C10orf90: variants seen among roughly 807,000 people sequenced by gnomAD.
C10orf90 encodes the protein chromosome 10 open reading frame 90.
A neutral mutation model predicts 62.5 loss-of-function variants in C10orf90; 56 were observed. The ratio of observed to expected loss-of-function variants is 0.90; its 90% CI spans 0.72 to 1.12. The LOEUF (loss-of-function observed/expected upper bound fraction) is 1.12, where lower values mean the gene tolerates loss of function less well. C10orf90 is among the 50% of genes most tolerant of loss of function. The pLI, the probability that C10orf90 is intolerant of heterozygous loss-of-function variation, is 0.00. For missense variants in C10orf90, 970 were observed against 880.4 expected (o/e 1.10, Z -1.29); for synonymous variants, 386 against 340.4 (o/e 1.13, Z -1.47).
chr10:126,457,852 T>G (rs1014032679), intron 7 of C10orf90, among the ~76,000 whole-genome samples: 2 of 152,186 alleles, frequency 1.3e-5, no homozygotes. Flanking sequence ...CTGGAAACTA[T>G]ATCCCCATTG....
chr10:126,518,401 T>C (rs1027120139), intron 2 of C10orf90, among the ~76,000 whole-genome samples: 3 of 152,180 alleles, frequency 2.0e-5, no homozygotes, highest in Non-Finnish European at 4.4e-5. Context: ...CTTTTACAGA[T>C]GGTGAGTCTG....
chr10:126,462,133 C>T (rs540532769), intron 5 of C10orf90, among the ~76,000 whole-genome samples: 2 of 152,250 alleles, frequency 1.3e-5, no homozygotes, highest in South Asian at 4.1e-4. Flanking sequence ...TGGAAAAGGT[C>T]AGGAAATGAA....
Position 126,461,472 on chromosome 10 carries a change from C to A in C10orf90, c.1939G>T (p.Ala647Ser), listed in dbSNP as rs1482125862. The change falls in exon 6 of 10, where the codon GCA becomes TCA. Residue 647 changes from alanine to serine, a missense_variant. By Grantham distance (99) the Ala-to-Ser change is moderately conservative (BLOSUM62 1). Coordinates refer to ENST00000488181, the MANE Select transcript of C10orf90 (RefSeq NM_001350921.2). Reference protein sequence around the residue: ...AAPSPAPRDGAGSPGLSEDCS... With the variant: ...AAPSPAPRDGSGSPGLSEDCS... The stretch of plus-strand genomic sequence containing the variant: ...TCTTCGGACAGGCCAGGGCTCCCTG[C>A]TCCATCGCGGGGTGCTGGCGAGGGT... 1 of 1,614,174 alleles carries A rather than the reference C, an allele frequency of 6.2e-7. No homozygotes were observed. Among genetic ancestry groups the A allele is most frequent in the Admixed American group, 1.7e-5 (1 of 60,010 alleles).
At chr10:126,557,248 G>A (rs1161561184) in intron 2 of C10orf90, among the ~76,000 whole-genome samples, 3 of 152,006 alleles carry the variant, frequency 2.0e-5, no homozygotes, top group Admixed American at 1.3e-4. Context: ...TTGGGAGGCT[G>A]AGGCGGGCAG....
intron 3 of C10orf90, among the ~76,000 whole-genome samples, chr10:126,512,328 ATGTGTGTGTATG>A (rs1564846845): frequency 5.7e-5 from 8 of 141,012 alleles, no homozygotes; most frequent in Non-Finnish European, 7.6e-5. Context: ...TGTGTGTTCT[ATGTGTGTGTATG>A]TGTGTGTGTC....
chr10:126,435,908 C>A (rs1857890853), intron 7 of C10orf90, among the ~76,000 whole-genome samples: 1 of 152,132 alleles, frequency 6.6e-6, no homozygotes, highest in South Asian at 2.1e-4. Flanking sequence ...ATATCCCTGC[C>A]TTTTCCCACT....
At chr10:126,489,102 A>G (rs1861584918) in intron 4 of C10orf90, among the ~76,000 whole-genome samples, 1 of 152,152 alleles carries the variant, frequency 6.6e-6, no homozygotes, top group Admixed American at 6.5e-5. Context: ...TATTCCTCAC[A>G]AACATAAATA....
rs566751511 is a variant in C10orf90 at position 126,592,246 on chromosome 10, T to C, written c.313+54319A>G. On this transcript the variant is annotated intron_variant, in intron 2 of 9. Transcript: ENST00000488181. ...AAAGAGCCCAAATAGCCAAGACAAT[T>C]CTAAGCAAAAAGAAAAAGCTGGAGG... Among the ~76,000 whole-genome samples the C allele has an allele frequency of 2.6e-5, 4 of 152,064 alleles. No individual in the cohort carries two copies. In the South Asian group the frequency reaches 8.3e-4, roughly 32 times the overall value.
At chr10:126,534,249 T>C (rs1462956038) in intron 2 of C10orf90, among the ~76,000 whole-genome samples, 1 of 152,184 alleles carries the variant, frequency 6.6e-6, no homozygotes, top group Non-Finnish European at 1.5e-5. Flanking sequence ...CAAACTCAGG[T>C]TTCTTGGCTG....
At chr10:126,613,563 T>C (rs1422806823) in intron 2 of C10orf90, among the ~76,000 whole-genome samples, 2 of 152,164 alleles carry the variant, frequency 1.3e-5, no homozygotes, top group Non-Finnish European at 2.9e-5. Context: ...ACTATTTTAA[T>C]CCACTGATGC....
intron 2 of C10orf90, among the ~76,000 whole-genome samples, chr10:126,539,475 AC>A (rs1864325452): frequency 6.6e-6 from 1 of 152,192 alleles, no homozygotes. Context: ...ACTGCCATGT[AC>A]CATGCTAGTT....
At chr10:126,469,789 C>G (rs752372236) in intron 4 of C10orf90, 3 of 443,552 alleles carry the variant, frequency 6.8e-6, no homozygotes, top group South Asian at 4.8e-5. Context: ...ACTACAGCAT[C>G]TAACTGGAAA....
chr10:126,501,254 G>T (rs535634391), intron 4 of C10orf90, among the ~76,000 whole-genome samples: 1 of 152,198 alleles, frequency 6.6e-6, no homozygotes, highest in African/African-American at 2.4e-5. Flanking sequence ...AGGACAGCCC[G>T]TGGTCATTAG....
chr10:126,549,004 A>G (rs1467504870), intron 2 of C10orf90, among the ~76,000 whole-genome samples: 3 of 152,206 alleles, frequency 2.0e-5, no homozygotes, highest in Admixed American at 6.5e-5. Context: ...CACATCTTAT[A>G]TAAAAATAAC....
At chr10:126,582,102 T>C (rs1844764734) in intron 2 of C10orf90, among the ~76,000 whole-genome samples, 1 of 152,210 alleles carries the variant, frequency 6.6e-6, no homozygotes, top group Non-Finnish European at 1.5e-5. Flanking sequence ...CTGCAGCTGC[T>C]GTGGGACTTG....
chr10:126,538,186 T>C (rs1189553941), intron 2 of C10orf90, among the ~76,000 whole-genome samples: 1 of 152,150 alleles, frequency 6.6e-6, no homozygotes, highest in Non-Finnish European at 1.5e-5. Flanking sequence ...AGAGAGTGTG[T>C]TCAGGGGAAC....
At chr10:126,510,320 T>A (rs1301473418) in intron 3 of C10orf90, among the ~76,000 whole-genome samples, 1 of 152,184 alleles carries the variant, frequency 6.6e-6, no homozygotes, top group Non-Finnish European at 1.5e-5. Context: ...GGGGGGTTAT[T>A]CAATGTTCCT....
At chr10:126,594,357 C>A (rs948651121) in intron 2 of C10orf90, among the ~76,000 whole-genome samples, 1 of 152,100 alleles carries the variant, frequency 6.6e-6, no homozygotes, top group South Asian at 2.1e-4. Flanking sequence ...GAAGGAAATA[C>A]ATGAAAATGT....
At chr10:126,440,502 C>A (rs945350659) in intron 7 of C10orf90, among the ~76,000 whole-genome samples, 3 of 152,244 alleles carry the variant, frequency 2.0e-5, no homozygotes, top group African/African-American at 7.2e-5. Context: ...AGTTCTAGGG[C>A]CCTGCCTACT....
Sources: gnomAD v4.1 joint callset for allele counts (sites outside exome capture counted in the v4.1 genomes callset) on GRCh38, gnomAD v4.1.1 for gene constraint, MANE v1.5 for transcripts, NCBI Gene and HGNC (gene_info 2026-07-23, HGNC 2026-07-21) for gene names.